Variants in SAMHD1 observed in about 807,000 individuals in gnomAD.
The protein encoded by SAMHD1 is deoxynucleoside triphosphate triphosphohydrolase SAMHD1.
In SAMHD1, 54 loss-of-function variants were observed where a neutral mutation model predicts 79.6. That is an observed-to-expected ratio of 0.68 (90% CI 0.55 to 0.85). SAMHD1 has a LOEUF of 0.85. Ranked by LOEUF, SAMHD1 falls within the 40% of genes least tolerant of loss-of-function variation. SAMHD1 has a pLI of 0.00. For missense variants in SAMHD1, 663 were observed against 782.7 expected (o/e 0.85, Z 1.82); for synonymous variants, 260 against 264.1 (o/e 0.98, Z 0.15).
intron 2 of SAMHD1, among the ~76,000 whole-genome samples, chr20:36,946,112 A>G (rs1197136409): frequency 6.6e-6 from 1 of 151,922 alleles, no homozygotes; most frequent in Non-Finnish European, 1.5e-5. Context: ...GTGAAACCCC[A>G]TCTCTACTAA....
Position 36,904,225 on chromosome 20 carries a change from C to CTT in SAMHD1, c.1433_1434dup (p.Glu479LysfsTer12). 1 of 1,613,402 alleles carries CTT rather than the reference C, an allele frequency of 6.2e-7. No individual in the cohort carries two copies. The highest frequency in any genetic ancestry group is 1.3e-5 in the African/African-American group (1 of 75,004). On this transcript the variant is annotated frameshift_variant, in exon 13 of 16. Transcript: ENST00000646673. LOFTEE classifies it high-confidence loss of function. Reference sequence around the variant, plus strand: ...ACTTTGGGTTTAGCACTGGCAACCTCTTTTGGAAGAGATTCATAGTCCTCC... The same window carrying CTT: ...ACTTTGGGTTTAGCACTGGCAACCTCTTTTTTGGAAGAGATTCATAGTCCTCC...
intron 2 of SAMHD1, among the ~76,000 whole-genome samples, chr20:36,941,554 A>G (rs985146594): frequency 2.0e-5 from 3 of 152,094 alleles, no homozygotes; most frequent in African/African-American, 7.2e-5. Flanking sequence ...CATTGTCAGT[A>G]CTCCCTCACA....
intron 5 of SAMHD1, among the ~76,000 whole-genome samples, chr20:36,929,981 T>C (rs2063558128): frequency 6.6e-6 from 1 of 150,660 alleles, no homozygotes; most frequent in Non-Finnish European, 1.5e-5. Context: ...ATCCCAGCTC[T>C]CAGGGAGGAG....
intron 13 of SAMHD1, 127 bp from the exon 14 acceptor site, chr20:36,898,671 T>G (rs1228068635): frequency 1.4e-6 from 1 of 736,492 alleles, no homozygotes; most frequent in Non-Finnish European, 2.4e-6. Flanking sequence ...CCCAGCACTT[T>G]GGGAGGCCAA....
chr20:36,931,390 C>T (rs949731048), intron 4 of SAMHD1, among the ~76,000 whole-genome samples: 7 of 152,184 alleles, frequency 4.6e-5, no homozygotes, highest in Non-Finnish European at 5.9e-5. Context: ...AATCCCAGCA[C>T]TTTGGGAGGC....
intron 1 of SAMHD1, among the ~76,000 whole-genome samples, chr20:36,947,565 T>C (rs905994770): frequency 1.4e-5 from 2 of 147,350 alleles, no homozygotes. Context: ...TGTGTGTGTG[T>C]GTGTGTGTGT....
intron 1 of SAMHD1, 143 bp downstream of exon 1, chr20:36,951,293 G>T: frequency 1.7e-6 from 2 of 1,176,602 alleles, no homozygotes; most frequent in Non-Finnish European, 2.4e-6. Flanking sequence ...GGCGCCCCCA[G>T]CGCAGGTCCG....
intron 11 of SAMHD1, among the ~76,000 whole-genome samples, chr20:36,910,996 T>TACA (rs2063435693): frequency 6.6e-6 from 1 of 152,126 alleles, no homozygotes; most frequent in African/African-American, 2.4e-5. Flanking sequence ...GGGTCACACC[T>TACA]GTAATCCTAG....
At chr20:36,927,563 C>T (rs1487878585) in intron 5 of SAMHD1, among the ~76,000 whole-genome samples, 2 of 151,968 alleles carry the variant, frequency 1.3e-5, no homozygotes, top group African/African-American at 2.4e-5. Context: ...GTGATCCGCC[C>T]GTCTCAGCCT....
chr20:36,934,947 C>T (rs1395268200), intron 4 of SAMHD1, 82 bp downstream of exon 4: 3 of 1,452,072 alleles, frequency 2.1e-6, no homozygotes, highest in Non-Finnish European at 2.9e-6. Flanking sequence ...TGTGAGCCAC[C>T]ATGCCTGGCC....
intron 6 of SAMHD1, among the ~76,000 whole-genome samples, chr20:36,922,824 T>A (rs1219433673): frequency 9.2e-5 from 14 of 151,610 alleles, no homozygotes; most frequent in Non-Finnish European, 1.9e-4. Context: ...ATTTTTAAAT[T>A]TTTTTGTAGA....
intron 3 of SAMHD1, among the ~76,000 whole-genome samples, chr20:36,935,634 G>T (rs1020628473): frequency 2.0e-5 from 3 of 150,074 alleles, no homozygotes; most frequent in Non-Finnish European, 4.4e-5. Flanking sequence ...GCAGTGGCAC[G>T]ATCTCAGCTC....
intron 6 of SAMHD1, among the ~76,000 whole-genome samples, chr20:36,926,226 T>A (rs1392474277): frequency 6.6e-6 from 1 of 152,116 alleles, no homozygotes; most frequent in East Asian, 1.9e-4. Context: ...CTTATTTGCA[T>A]AATGCCACAC....
intron 7 of SAMHD1, among the ~76,000 whole-genome samples, chr20:36,918,568 G>A (rs774818613): frequency 6.6e-6 from 1 of 152,118 alleles, no homozygotes; most frequent in Non-Finnish European, 1.5e-5. Context: ...TTGGGAGGCT[G>A]AGGCGGGTGG....
intron 13 of SAMHD1, among the ~76,000 whole-genome samples, chr20:36,900,542 G>A (rs928318180): frequency 5.3e-5 from 8 of 151,038 alleles, no homozygotes; most frequent in Non-Finnish European, 7.4e-5. Context: ...CACCGGGGCC[G>A]GCCTAGTTAA....
At chr20:36,899,257 TA>T (rs34443478) in intron 13 of SAMHD1, among the ~76,000 whole-genome samples, 406 of 108,588 alleles carry the variant, frequency 3.7e-3, no homozygotes, top group Admixed American at 4.8e-3. Flanking sequence ...CCAAAAATAC[TA>T]AAAAAAAAAA....
intron 11 of SAMHD1, among the ~76,000 whole-genome samples, chr20:36,907,329 T>C (rs958751680): frequency 3.3e-5 from 5 of 151,770 alleles, no homozygotes; most frequent in African/African-American, 1.2e-4. Context: ...CACGTGATCA[T>C]GGCTCACTGC....
At chr20:36,914,255 CTACT>C (rs1429823222) in intron 9 of SAMHD1, among the ~76,000 whole-genome samples, 1 of 152,142 alleles carries the variant, frequency 6.6e-6, no homozygotes, top group African/African-American at 2.4e-5. Flanking sequence ...GTTCCTGAGC[CTACT>C]TAATGTGAAG....
At chr20:36,908,862 G>A (rs565472169) in intron 11 of SAMHD1, among the ~76,000 whole-genome samples, 1 of 152,244 alleles carries the variant, frequency 6.6e-6, no homozygotes, top group Admixed American at 6.5e-5. Flanking sequence ...AGGTCACTTG[G>A]CTTCTGTTGT....
Sources: allele counts gnomAD v4.1 joint callset (sites outside exome capture counted in the v4.1 genomes callset), GRCh38; gene constraint gnomAD v4.1.1; transcripts MANE v1.5; gene names NCBI Gene and HGNC (gene_info 2026-07-23, HGNC 2026-07-21).